ACTR3C: variants seen among roughly 807,000 people sequenced by gnomAD.
ACTR3C encodes the protein actin-related protein 3C.
In ACTR3C, 18 loss-of-function variants were observed where a neutral mutation model predicts 26.3. The observed-to-expected ratio is 0.68, with a 90% CI of 0.47 to 1.01. The LOEUF (loss-of-function observed/expected upper bound fraction) is 1.01, where lower values mean the gene tolerates loss of function less well. Ranked by LOEUF, ACTR3C falls within the 50% of genes least tolerant of loss-of-function variation. ACTR3C has a pLI of 0.00. For synonymous variants in ACTR3C, 55 were observed against 94.5 expected (o/e 0.58, Z 2.42); for missense variants, 184 against 250.7 (o/e 0.73, Z 1.80).
chr7:149,987,934 C>A, the ACTR3C span, among the ~76,000 whole-genome samples: 8 of 152,172 alleles, frequency 5.3e-5, no homozygotes, highest in African/African-American at 1.9e-4. Flanking sequence ...AGAAAAAGAA[C>A]ATTTTCACAC....
the ACTR3C span, chr7:150,047,825 GC>G: frequency 2.0e-6 from 3 of 1,526,108 alleles, no homozygotes; most frequent in East Asian, 7.5e-5. Flanking sequence ...TGTTGATCTT[GC>G]CGGTGAACCT....
the ACTR3C span, among the ~76,000 whole-genome samples, chr7:150,131,589 C>T: frequency 6.6e-6 from 1 of 152,186 alleles, no homozygotes; most frequent in African/African-American, 2.4e-5. Flanking sequence ...CACTTGGGAG[C>T]TATACTCACT....
chr7:150,079,868 C>CCTCCTTTCA, the ACTR3C span, among the ~76,000 whole-genome samples: 1 of 152,164 alleles, frequency 6.6e-6, no homozygotes, highest in Non-Finnish European at 1.5e-5. Context: ...CCCAAATCCT[C>CCTCCTTTCA]CTCCTTTCAC....
the ACTR3C span, among the ~76,000 whole-genome samples, chr7:150,038,751 T>C: frequency 1.8e-5 from 2 of 111,898 alleles, no homozygotes; most frequent in Non-Finnish European, 3.9e-5. Context: ...GATGGGGGGG[T>C]CCTAAGCCAG....
At chr7:150,261,937 G>A (rs1345251302) in intron 6 of ACTR3C, among the ~76,000 whole-genome samples, 2 of 150,808 alleles carry the variant, frequency 1.3e-5, no homozygotes, top group African/African-American at 4.9e-5. Context: ...TAGATGTAGA[G>A]TTGCAAAATT....
At chr7:150,072,100 C>T in the ACTR3C span, among the ~76,000 whole-genome samples, 1 of 142,802 alleles carries the variant, frequency 7.0e-6, no homozygotes, top group African/African-American at 2.5e-5. Flanking sequence ...CGTGTCAGCC[C>T]CACCGAGGAG....
chr7:150,296,283 G>A (rs1390080134), intron 1 of ACTR3C, among the ~76,000 whole-genome samples: 1 of 149,984 alleles, frequency 6.7e-6, no homozygotes, highest in East Asian at 1.9e-4. Context: ...CGGAGGTGAA[G>A]ACTACATGAA....
intron 6 of ACTR3C, among the ~76,000 whole-genome samples, chr7:150,277,059 CTG>C (rs1834943508): frequency 6.6e-6 from 1 of 152,202 alleles, no homozygotes; most frequent in Admixed American, 6.5e-5. Flanking sequence ...AGAACAAAAA[CTG>C]AGATTTCCTC....
At chr7:149,886,969 A>G in the ACTR3C span, among the ~76,000 whole-genome samples, 1 of 152,232 alleles carries the variant, frequency 6.6e-6, no homozygotes, top group African/African-American at 2.4e-5. Context: ...AAAAAAAAAA[A>G]AAAATGAATA....
intron 6 of ACTR3C, among the ~76,000 whole-genome samples, chr7:150,273,955 T>C: frequency 6.6e-6 from 1 of 152,232 alleles, no homozygotes; most frequent in Middle Eastern, 3.2e-3. Flanking sequence ...CAGCATTTAC[T>C]GAGCACCTCG....
At chr7:149,886,243 C>T in the ACTR3C span, among the ~76,000 whole-genome samples, 1 of 152,188 alleles carries the variant, frequency 6.6e-6, no homozygotes, top group Non-Finnish European at 1.5e-5. Flanking sequence ...GGCAAGTGCC[C>T]TGTGTGCTTT....
the ACTR3C span, among the ~76,000 whole-genome samples, chr7:150,035,864 C>T: frequency 7.7e-6 from 1 of 129,464 alleles, no homozygotes. Context: ...GATGGGGGTA[C>T]CAACAGCCAG....
the ACTR3C span, among the ~76,000 whole-genome samples, chr7:149,946,371 C>T: frequency 2.1e-4 from 32 of 152,228 alleles, 1 homozygote; most frequent in South Asian, 1.4e-3. Flanking sequence ...GATGTGCCCT[C>T]GGGCCTTTCT....
At chr7:150,306,804 A>T (rs1232472085) in intron 1 of ACTR3C, among the ~76,000 whole-genome samples, 1 of 152,254 alleles carries the variant, frequency 6.6e-6, no homozygotes, top group East Asian at 1.9e-4. Flanking sequence ...ATAGACAATG[A>T]TATTTGTGTA....
At chr7:150,124,234 T>C in the ACTR3C span, among the ~76,000 whole-genome samples, 8 of 152,344 alleles carry the variant, frequency 5.3e-5, no homozygotes, top group African/African-American at 1.7e-4. Context: ...TATTTCTCAG[T>C]ATGTTTCAAT....
chr7:149,942,271 A>G, the ACTR3C span, among the ~76,000 whole-genome samples: 1 of 152,218 alleles, frequency 6.6e-6, no homozygotes, highest in Admixed American at 6.5e-5. Context: ...CTTAGACTTC[A>G]GTCAATCTAG....
the ACTR3C span, among the ~76,000 whole-genome samples, chr7:149,993,032 A>C: frequency 6.6e-6 from 1 of 151,674 alleles, no homozygotes; most frequent in East Asian, 1.9e-4. Context: ...AGCATCCAGC[A>C]CAGGATAAAG....
chr7:150,277,555 C>G (rs1208070782), intron 6 of ACTR3C, among the ~76,000 whole-genome samples: 1 of 152,134 alleles, frequency 6.6e-6, no homozygotes, highest in East Asian at 1.9e-4. Context: ...TGCAAAGCCT[C>G]CAACCTACAA....
the ACTR3C span, among the ~76,000 whole-genome samples, chr7:149,898,478 G>T: frequency 1.0e-4 from 15 of 148,878 alleles, no homozygotes; most frequent in Non-Finnish European, 9.0e-5. Context: ...GGCTGAGGTG[G>T]GCAGATCACA....
Sources: allele counts gnomAD v4.1 joint callset (sites outside exome capture counted in the v4.1 genomes callset), GRCh38; gene constraint gnomAD v4.1.1; transcripts MANE v1.5; gene names NCBI Gene and HGNC (gene_info 2026-07-23, HGNC 2026-07-21).